The following BNC2 variants were observed in gnomAD, a reference collection of about 807,000 sequenced individuals.
BNC2 encodes basonuclin zinc finger protein 2.
A neutral mutation model predicts 76.3 loss-of-function variants in BNC2; 20 were observed. The ratio of observed to expected loss-of-function variants is 0.26; its 90% CI spans 0.18 to 0.38. BNC2 has a LOEUF of 0.38. Among genes scored for constraint, BNC2 ranks in the 10% least tolerant of loss-of-function variants. The pLI, the probability that BNC2 is intolerant of heterozygous loss-of-function variation, is 1.00. For synonymous variants in BNC2, 582 were observed against 514.8 expected (o/e 1.13, Z -1.77); for missense variants, 1,382 against 1,399.8 (o/e 0.99, Z 0.20).
intron 1 of BNC2, among the ~76,000 whole-genome samples, chr9:16,826,038 G>A (rs545901913): frequency 9.2e-5 from 14 of 152,226 alleles, no homozygotes; most frequent in African/African-American, 2.6e-4. Flanking sequence ...GGCTGATGAC[G>A]AGGGACACAA....
chr9:16,657,134 A>AC (rs2134005290), intron 3 of BNC2, among the ~76,000 whole-genome samples: 1 of 152,306 alleles, frequency 6.6e-6, no homozygotes, highest in African/African-American at 2.4e-5. Context: ...GGGTTGGAGA[A>AC]ACAGGTGGGC....
chr9:16,870,650 T>A lies in BNC2; in HGVS notation c.-2A>T. On this transcript the variant is annotated 5_prime_UTR_variant, in exon 1 of 7. Transcript: ENST00000380672. ...AGGAGGGTGGAAACTTCTTACCATCTCGGCATGCTGGTTGTCAAGTGCAGC... is the reference window on the plus strand; with the variant it reads ...AGGAGGGTGGAAACTTCTTACCATCACGGCATGCTGGTTGTCAAGTGCAGC... 6.2e-7 allele frequency: 1 copy of A among 1,611,082 alleles called. No homozygotes were observed. Among genetic ancestry groups the A allele is most frequent in the Non-Finnish European group, 8.5e-7 (1 of 1,178,640 alleles).
intron 3 of BNC2, among the ~76,000 whole-genome samples, chr9:16,585,635 A>C (rs941343633): frequency 1.3e-5 from 2 of 152,202 alleles, no homozygotes; most frequent in African/African-American, 4.8e-5. Flanking sequence ...ACAGCATAAA[A>C]CTTTGACATA....
rs147974832 is a variant in BNC2 at position 16,445,707 on chromosome 9, G to A, written c.670-8183C>T. Among the ~76,000 whole-genome samples, 455 of 152,200 alleles carry A rather than the reference G, an allele frequency of 3.0e-3. 3 individuals are homozygous for A. The highest frequency in any genetic ancestry group is 0.01 in the African/African-American group (435 of 41,532). On this transcript the variant is annotated intron_variant, in intron 5 of 6. Coordinates refer to ENST00000380672, the MANE Select transcript of BNC2 (RefSeq NM_017637.6). Reference sequence around the variant, plus strand: ...TGGCATGGGCAGAAAGAATGATTTCGAAATAAAAATTCAGACTGGACTTTA... The same window carrying A: ...TGGCATGGGCAGAAAGAATGATTTCAAAATAAAAATTCAGACTGGACTTTA...
chr9:16,499,853 C>G (rs899676310), intron 5 of BNC2, among the ~76,000 whole-genome samples: 1 of 151,930 alleles, frequency 6.6e-6, no homozygotes, highest in Admixed American at 6.6e-5. Context: ...CTTAAATAGC[C>G]TTCTAATTGG....
intron 1 of BNC2, among the ~76,000 whole-genome samples, chr9:16,828,710 G>C (rs551657810): frequency 9.2e-5 from 14 of 152,298 alleles, no homozygotes; most frequent in Non-Finnish European, 1.5e-4. Context: ...TTCTGTGAAA[G>C]AAGCCCTTCC....
chr9:16,830,681 A>G (rs1818559887), intron 1 of BNC2, among the ~76,000 whole-genome samples: 1 of 152,230 alleles, frequency 6.6e-6, no homozygotes, highest in African/African-American at 2.4e-5. Flanking sequence ...GTATCTAAGT[A>G]CATTTTTCTC....
chr9:16,512,511 G>C (rs1007516594), intron 5 of BNC2, among the ~76,000 whole-genome samples: 1 of 151,724 alleles, frequency 6.6e-6, no homozygotes, highest in Admixed American at 6.6e-5. Context: ...CACACAAATA[G>C]AACCTGAGCA....
chr9:16,809,364 GA>G lies in BNC2; in HGVS notation c.3+61281del, dbSNP rs938575551. ...TCAGAAAGCTCAATTTTTTTTTATG[GA>G]AAAAAAAATGCCTTCGATTGCAGAA... On this transcript the variant is annotated intron_variant, in intron 1 of 6. Transcript: ENST00000380672. 1.0e-3 allele frequency among the ~76,000 whole-genome samples: 153 copies of G among 149,654 alleles called. 1 individual carries two copies. The highest frequency in any genetic ancestry group is 3.4e-3 in the African/African-American group (137 of 40,850).
At position 16,467,977 on chromosome 9, in the gene BNC2, T is replaced by C. The variant is rs140548696; in HGVS notation, c.670-30453A>G. ...GCTATCACTTCTTCCAATTCTATCC[T>C]TGAGTGGATGCTGTTCTGTTACTGT... On this transcript the variant is annotated intron_variant, in intron 5 of 6. Transcript: ENST00000380672. 4.6e-3 allele frequency among the ~76,000 whole-genome samples: 693 copies of C among 152,098 alleles called. 8 individuals are homozygous for C. Among genetic ancestry groups the C allele is most frequent in the African/African-American group, 0.016 (664 of 41,472 alleles).
At chr9:16,597,109 T>C (rs78588308) in intron 3 of BNC2, among the ~76,000 whole-genome samples, 9 of 152,232 alleles carry the variant, frequency 5.9e-5, no homozygotes, top group Non-Finnish European at 1.2e-4. Context: ...ATATTAGCTA[T>C]TGACATAAGC....
At chr9:16,505,110 C>T (rs1192374421) in intron 5 of BNC2, among the ~76,000 whole-genome samples, 3 of 152,174 alleles carry the variant, frequency 2.0e-5, no homozygotes, top group Non-Finnish European at 4.4e-5. Context: ...AAGAACAGAA[C>T]CTATCTTCTG....
intron 5 of BNC2, among the ~76,000 whole-genome samples, chr9:16,479,682 T>C (rs993604982): frequency 1.3e-5 from 2 of 152,204 alleles, no homozygotes; most frequent in African/African-American, 4.8e-5. Context: ...CTGATATCAC[T>C]GGGTCAGCAC....
chr9:16,553,087 T>C (rs113415049), intron 4 of BNC2, among the ~76,000 whole-genome samples: 18 of 152,258 alleles, frequency 1.2e-4, no homozygotes, highest in African/African-American at 3.4e-4. Flanking sequence ...AAAAACCTCA[T>C]TGATTTGTTA....
At chr9:16,588,555 T>C (rs917088315) in intron 3 of BNC2, among the ~76,000 whole-genome samples, 6 of 152,036 alleles carry the variant, frequency 3.9e-5, no homozygotes, top group African/African-American at 1.4e-4. Flanking sequence ...TGTAGAAAAC[T>C]AAAGAAAACT....
chr9:16,693,438 G>A (rs998143760), intron 3 of BNC2, among the ~76,000 whole-genome samples: 2 of 152,116 alleles, frequency 1.3e-5, no homozygotes, highest in Non-Finnish European at 2.9e-5. Context: ...ATCATCACCT[G>A]AGAGCATGTC....
chr9:16,860,747 CA>C (rs1170721072), intron 1 of BNC2, among the ~76,000 whole-genome samples: 2 of 152,122 alleles, frequency 1.3e-5, no homozygotes, highest in African/African-American at 4.8e-5. Context: ...ATCAAAAAGT[CA>C]AAAGACAGCC....
chr9:16,857,177 A>AT (rs1819279564), intron 1 of BNC2, among the ~76,000 whole-genome samples: 1 of 152,132 alleles, frequency 6.6e-6, no homozygotes, highest in Non-Finnish European at 1.5e-5. Context: ...TACTGTAACA[A>AT]TTTTTAGAAG....
intron 1 of BNC2, 151 bp downstream of exon 1, chr9:16,870,495 C>T (rs1450382497): frequency 3.9e-6 from 3 of 776,874 alleles, no homozygotes; most frequent in Non-Finnish European, 5.9e-6. Flanking sequence ...GGGTTCTGGT[C>T]CCCGGCCCGC....
Sources: gnomAD v4.1 joint callset for allele counts (sites outside exome capture counted in the v4.1 genomes callset) on GRCh38, gnomAD v4.1.1 for gene constraint, MANE v1.5 for transcripts, NCBI Gene and HGNC (gene_info 2026-07-23, HGNC 2026-07-21) for gene names.